ATP6V0A1: variants seen among roughly 807,000 people sequenced by gnomAD.
ATP6V0A1 encodes V-type proton ATPase 116 kDa subunit a 1.
A neutral mutation model predicts 105.4 loss-of-function variants in ATP6V0A1; 43 were observed. The observed-to-expected ratio is 0.41, with a 90% CI of 0.32 to 0.53. ATP6V0A1 has a LOEUF of 0.53. Among genes scored for constraint, ATP6V0A1 ranks in the 20% least tolerant of loss-of-function variants. The probability of loss-of-function intolerance (pLI) is 0.30; values close to 1 mark genes in which losing one functional copy is unlikely to be tolerated. For missense variants in ATP6V0A1, 676 were observed against 1,051.1 expected, an observed-to-expected ratio of 0.64 and a Z score of 4.93; for synonymous variants, 362 against 372.8, an observed-to-expected ratio of 0.97 and a Z score of 0.33.
intron 17 of ATP6V0A1, 52 bp downstream of exon 17, chr17:42,501,356 TCAAGG>T: frequency 7.9e-7 from 1 of 1,268,872 alleles, no homozygotes; most frequent in Non-Finnish European, 1.1e-6. Context: ...TTGTTCAAGA[TCAAGG>T]CAATTCCCCA....
rs1011696816 is a variant in ATP6V0A1 at position 42,494,791 on chromosome 17, G to A, written c.1315-243G>A. On this transcript the variant is annotated intron_variant, in intron 12 of 21. Transcript: ENST00000343619. ...TTGGTGCAAAAGTTATTGCGGTTTT[G>A]GCTGCCAAAAGAAATGGCCAAAACC... 8 of 482,488 alleles carry A rather than the reference G, an allele frequency of 1.7e-5. No individual in the cohort carries two copies. In the Admixed American group the frequency reaches 2.6e-4, roughly 16 times the overall value. The allele number at this position is 482,488 out of a possible 1,614,324, so 29.9% of individuals were successfully genotyped here.
At chr17:42,508,669 CCACA>C in intron 19 of ATP6V0A1, 80 bp downstream of exon 19, 1 of 1,584,442 alleles carries the variant, frequency 6.3e-7, no homozygotes, top group Non-Finnish European at 8.7e-7. Context: ...GCTGACCCTG[CCACA>C]CCCTGGGGCC....
At chr17:42,497,755 T>A (rs2091313490) in intron 14 of ATP6V0A1, among the ~76,000 whole-genome samples, 1 of 151,536 alleles carries the variant, frequency 6.6e-6, no homozygotes, top group Admixed American at 6.6e-5. Flanking sequence ...AAATAAGTCC[T>A]GGCCGGGCGC....
intron 5 of ATP6V0A1, 165 bp from the exon 6 acceptor site, chr17:42,477,495 C>T (rs762177790): frequency 1.9e-4 from 117 of 602,820 alleles, no homozygotes; most frequent in Non-Finnish European, 2.4e-4. Flanking sequence ...ATCCCCTATT[C>T]TTCTTGTCTT....
At chr17:42,505,881 G>A (rs1201518328) in intron 17 of ATP6V0A1, among the ~76,000 whole-genome samples, 1 of 150,726 alleles carries the variant, frequency 6.6e-6, no homozygotes, top group Admixed American at 6.6e-5. Context: ...ATCACCTCCC[G>A]GGTTTCAGCA....
At chr17:42,492,802 G>A (rs1303882879) in intron 11 of ATP6V0A1, among the ~76,000 whole-genome samples, 2 of 150,996 alleles carry the variant, frequency 1.3e-5, no homozygotes, top group African/African-American at 4.9e-5. Flanking sequence ...GATCACTTAA[G>A]GTCAGGAGTT....
At chr17:42,466,550 A>C (rs1403163862) in intron 3 of ATP6V0A1, 43 bp downstream of exon 3, 1 of 1,524,654 alleles carries the variant, frequency 6.6e-7, no homozygotes, top group South Asian at 1.1e-5. Flanking sequence ...TTAATGAATC[A>C]TTTGTCTTAG....
chr17:42,477,386 T>G (rs879337647), intron 5 of ATP6V0A1, among the ~76,000 whole-genome samples: 2 of 152,214 alleles, frequency 1.3e-5, no homozygotes, highest in East Asian at 3.9e-4. Context: ...CATCACTTAA[T>G]TTTTTTTCCT....
intron 17 of ATP6V0A1, among the ~76,000 whole-genome samples, chr17:42,502,288 T>G (rs1431871766): frequency 6.6e-6 from 1 of 152,202 alleles, no homozygotes; most frequent in Admixed American, 6.5e-5. Flanking sequence ...GAGCTGCAGA[T>G]GGGTGAACTC....
intron 11 of ATP6V0A1, 117 bp downstream of exon 11, chr17:42,490,754 CTG>C (rs2090545536): frequency 3.7e-6 from 4 of 1,079,774 alleles, no homozygotes; most frequent in Non-Finnish European, 5.2e-6. Flanking sequence ...AGCAGCACGA[CTG>C]TAGTTCACTG....
At chr17:42,483,339 G>A in intron 9 of ATP6V0A1, among the ~76,000 whole-genome samples, 1 of 152,190 alleles carries the variant, frequency 6.6e-6, no homozygotes, top group East Asian at 1.9e-4. Context: ...CCTCAAACGA[G>A]ACAGGAATGT....
At chr17:42,461,694 C>T (rs1168310897) in intron 2 of ATP6V0A1, among the ~76,000 whole-genome samples, 1 of 152,162 alleles carries the variant, frequency 6.6e-6, no homozygotes, top group Non-Finnish European at 1.5e-5. Flanking sequence ...TCGCCTGAAC[C>T]TGGGAGGCGG....
rs1275651223 is a variant in ATP6V0A1, at chr17:42,480,670, G to A, written c.637G>A (p.Asp213Asn). Residue 213 changes from aspartate to asparagine, a missense_variant, in exon 8 of 22, where the codon GAC (aspartate) becomes AAC (asparagine). Physicochemically the swap from Asp to Asn is conservative, Grantham distance 23. This residue lies in a region of ATP6V0A1 where 239 missense variants were observed against 388.4 expected (regional missense o/e 0.62). Coordinates refer to ENST00000343619, the MANE Select transcript of ATP6V0A1 (RefSeq NM_001130021.3). ...ENPLEDPVTG[D>N]YVHKSVFIIF... is the part of the protein sequence containing the mutation. ...GTTTTTTTATTCTGGGGCCTAGGGC[G>A]ACTACGTGCACAAGTCTGTGTTTAT... The A allele has an allele frequency of 8.1e-6, 13 of 1,610,230 alleles. No individual in the cohort carries two copies. The highest frequency in any genetic ancestry group is 1.7e-4 in the Middle Eastern group (1 of 6,042).
chr17:42,491,575 C>T (rs2090630049), intron 11 of ATP6V0A1, among the ~76,000 whole-genome samples: 1 of 152,204 alleles, frequency 6.6e-6, no homozygotes, highest in Admixed American at 6.6e-5. Flanking sequence ...CCTCTGCCTC[C>T]CAGGTTCAAG....
At chr17:42,464,597 G>A (rs187436876) in intron 2 of ATP6V0A1, among the ~76,000 whole-genome samples, 65 of 152,136 alleles carry the variant, frequency 4.3e-4, no homozygotes, top group Non-Finnish European at 6.6e-4. Flanking sequence ...TAGAGACGGG[G>A]TTTCACTGTG....
chr17:42,484,135 G>A (rs2089856364), intron 9 of ATP6V0A1, among the ~76,000 whole-genome samples: 1 of 152,106 alleles, frequency 6.6e-6, no homozygotes, highest in South Asian at 2.1e-4. Context: ...TCGGCTCACT[G>A]CAAGCTCCAC....
chr17:42,490,684 GT>G, intron 11 of ATP6V0A1, 47 bp downstream of exon 11: 1 of 1,537,590 alleles, frequency 6.5e-7, no homozygotes, highest in East Asian at 2.3e-5. Flanking sequence ...TTTTTTGTTT[GT>G]TTGGTTGGTT....
chr17:42,512,064 G>T (rs1043062990), intron 19 of ATP6V0A1, among the ~76,000 whole-genome samples: 5 of 152,208 alleles, frequency 3.3e-5, no homozygotes, highest in African/African-American at 9.7e-5. Context: ...GTGAGGACTG[G>T]CTGGGCAGAG....
chr17:42,477,307 T>C (rs1337559460), intron 5 of ATP6V0A1, among the ~76,000 whole-genome samples: 1 of 152,216 alleles, frequency 6.6e-6, no homozygotes, highest in Non-Finnish European at 1.5e-5. Context: ...CCTGGCACTT[T>C]CATCATTCAT....
Sources: allele counts gnomAD v4.1 joint callset (sites outside exome capture counted in the v4.1 genomes callset), GRCh38; gene constraint gnomAD v4.1.1; regional missense constraint gnomAD v4.1.1; transcripts MANE v1.5; gene names NCBI Gene and HGNC (gene_info 2026-07-23, HGNC 2026-07-21).